The following ARMC1 variants were observed in gnomAD, a reference collection of about 807,000 sequenced individuals.
The protein encoded by ARMC1 is armadillo repeat containing 1.
Under a neutral mutation model 31.4 loss-of-function variants are expected in ARMC1, and 16 were observed. The ratio of observed to expected loss-of-function variants is 0.51; its 90% CI spans 0.34 to 0.77. The LOEUF (loss-of-function observed/expected upper bound fraction) is 0.77. Ranked by LOEUF, ARMC1 falls within the 30% of genes least tolerant of loss-of-function variation. The pLI, the probability that ARMC1 is intolerant of heterozygous loss-of-function variation, is 0.01. For synonymous variants in ARMC1, 114 were observed against 118.9 expected (o/e 0.96, Z 0.27); for missense variants, 259 against 347.5 (o/e 0.75, Z 2.02).
chr8:65,613,267 G>T lies in ARMC1; in HGVS notation c.442C>A (p.His148Asn), dbSNP rs759381421. ...TNKRAKTVVL[H>N]IDGLDDTSRR... Reference sequence around the variant, plus strand: ...ACCGTATCATCAAGGCCATCTATATGCAAAACCACTGTTTTGGCACGTTTG... The same window carrying T: ...ACCGTATCATCAAGGCCATCTATATTCAAAACCACTGTTTTGGCACGTTTG... The change falls in exon 4 of 7, where the codon CAT (histidine) becomes AAT (asparagine). Residue 148 changes from histidine to asparagine, a missense_variant. Physicochemically the swap from His to Asn is moderately conservative, Grantham distance 68. This residue lies in a region of ARMC1 where 163 missense variants were observed against 186.7 expected (regional missense o/e 0.87). Coordinates refer to ENST00000276569, the MANE Select transcript of ARMC1 (RefSeq NM_018120.6). The T allele has an allele frequency of 6.2e-7, 1 of 1,608,292 alleles. No individual in the cohort carries two copies. The highest frequency in any genetic ancestry group is 2.2e-5 in the East Asian group (1 of 44,610).
At chr8:65,611,402 T>C (rs1808137580) in intron 4 of ARMC1, among the ~76,000 whole-genome samples, 1 of 152,160 alleles carries the variant, frequency 6.6e-6, no homozygotes, top group African/African-American at 2.4e-5. Flanking sequence ...TTTTTCTCTA[T>C]TGTTTTTCAT....
intron 2 of ARMC1, among the ~76,000 whole-genome samples, chr8:65,625,026 C>G (rs1295055232): frequency 6.6e-6 from 1 of 152,178 alleles, no homozygotes. Context: ...AAGGCTGAGG[C>G]AGGAGAATCG....
rs781661934 is a variant in ARMC1 at position 65,627,397 on chromosome 8, ATCT to A, written c.-2_1del. On this transcript the variant is annotated start_lost and start_retained_variant and 5_prime_UTR_variant, in exon 2 of 7. Coordinates refer to ENST00000276569, the MANE Select transcript of ARMC1 (RefSeq NM_018120.6). ...ACTCATGGTGGAAGTGGAAGAATTC[ATCT>A]TCTATGCCATGCACATGAATAAAAT... The A allele has an allele frequency of 5.5e-5, 86 of 1,574,870 alleles. No homozygotes were observed. Among genetic ancestry groups the A allele is most frequent in the Non-Finnish European group, 7.0e-5 (81 of 1,159,350 alleles).
chr8:65,605,239 A>C (rs373344505), intron 6 of ARMC1, 24 bp downstream of exon 6: 5 of 1,588,394 alleles, frequency 3.1e-6, no homozygotes, highest in Non-Finnish European at 4.3e-6. Flanking sequence ...GTTGGATATA[A>C]AGAAAATTAA....
chr8:65,613,532 C>G, intron 3 of ARMC1, 99 bp from the exon 4 acceptor site: 1 of 756,366 alleles, frequency 1.3e-6, no homozygotes, highest in South Asian at 2.3e-5. Flanking sequence ...TACTCTAATG[C>G]CTTGTTCAAT....
rs916155477 is a variant in ARMC1, at chr8:65,622,243, A to T, written c.275+20T>A. 3.2e-6 allele frequency: 5 copies of T among 1,561,836 alleles called. No individual in the cohort carries two copies. The highest frequency in any genetic ancestry group is 4.4e-6 in the Non-Finnish European group (5 of 1,134,218). On this transcript the variant is annotated intron_variant, in intron 3 of 6. Coordinates refer to ENST00000276569, the MANE Select transcript of ARMC1 (RefSeq NM_018120.6). ...ATAAGTAAGTATATAAATAAATGAGACACTGTCTATTGTACTTACTTCTGT... is the reference window on the plus strand; with the variant it reads ...ATAAGTAAGTATATAAATAAATGAGTCACTGTCTATTGTACTTACTTCTGT...
At chr8:65,625,830 G>A (rs903063989) in intron 2 of ARMC1, among the ~76,000 whole-genome samples, 36 of 151,858 alleles carry the variant, frequency 2.4e-4, no homozygotes, top group African/African-American at 8.2e-4. Context: ...GAATCATCAC[G>A]AGTCCTTAAG....
chr8:65,628,557 G>C (rs925811340), intron 1 of ARMC1, among the ~76,000 whole-genome samples: 1 of 148,516 alleles, frequency 6.7e-6, no homozygotes, highest in African/African-American at 2.5e-5. Flanking sequence ...TCATACTTTC[G>C]TTTTAAAATC....
intron 1 of ARMC1, among the ~76,000 whole-genome samples, chr8:65,630,504 T>C (rs11985628): frequency 0.64 from 96,655 of 151,970 alleles, 30,962 homozygotes; most frequent in African/African-American, 0.69. Flanking sequence ...TTGGGATGAA[T>C]AAAAATCAAA....
Position 65,629,672 on chromosome 8 carries a change from G to A in ARMC1, c.-35-2239C>T, listed in dbSNP as rs963598818. Among the ~76,000 whole-genome samples, 37 of 151,822 alleles carry A rather than the reference G, an allele frequency of 2.4e-4. 1 individual carries two copies. The highest frequency in any genetic ancestry group is 6.8e-3 in the Middle Eastern group (2 of 292). ...AAATTAGCTGGGCGTGCTGGCGGGC[G>A]CCTGTAATCCCAGCTACTCGGGAGG... On this transcript the variant is annotated intron_variant, in intron 1 of 6. Transcript: ENST00000276569.
At chr8:65,627,465 G>A in intron 1 of ARMC1, 32 bp from the exon 2 acceptor site, 1 of 1,331,748 alleles carries the variant, frequency 7.5e-7, no homozygotes, top group East Asian at 2.4e-5. Context: ...TTAGTTCTAG[G>A]CTGCTGAGGT....
At chr8:65,628,843 A>C (rs370464555) in intron 1 of ARMC1, among the ~76,000 whole-genome samples, 1,013 of 94,114 alleles carry the variant, frequency 0.011, 15 homozygotes, top group African/African-American at 0.041. Flanking sequence ...TCTGTCTCAA[A>C]ACAAGCAAAC....
intron 4 of ARMC1, among the ~76,000 whole-genome samples, chr8:65,610,755 G>A (rs1164728954): frequency 1.3e-5 from 2 of 151,920 alleles, no homozygotes; most frequent in Non-Finnish European, 2.9e-5. Flanking sequence ...CTTCTATCTG[G>A]GCTTGAAGTT....
rs75206855 is a variant in ARMC1, at chr8:65,610,606, A to G, written c.465+2638T>C. Among the ~76,000 whole-genome samples, 1,439 of 152,000 alleles carry G rather than the reference A, an allele frequency of 9.5e-3. 8 individuals carry two copies. Among genetic ancestry groups the G allele is most frequent in the East Asian group, 0.041 (209 of 5,040 alleles). On this transcript the variant is annotated intron_variant, in intron 4 of 6. Coordinates refer to ENST00000276569, the MANE Select transcript of ARMC1 (RefSeq NM_018120.6). ...GCTACTTGGGAGGCTGAGGCAGGAGAAAGACTTGAACCCAGGAGGTGGAGG... is the reference window on the plus strand; with the variant it reads ...GCTACTTGGGAGGCTGAGGCAGGAGGAAGACTTGAACCCAGGAGGTGGAGG...
chr8:65,632,392 T>C (rs746818309), intron 1 of ARMC1, among the ~76,000 whole-genome samples: 8 of 151,990 alleles, frequency 5.3e-5, no homozygotes, highest in Non-Finnish European at 8.8e-5. Context: ...GGCGAGCGGA[T>C]TACGAGGTCA....
At chr8:65,621,751 C>A (rs1164840919) in intron 3 of ARMC1, among the ~76,000 whole-genome samples, 3 of 152,198 alleles carry the variant, frequency 2.0e-5, no homozygotes, top group Non-Finnish European at 4.4e-5. Flanking sequence ...ACAAGTGATC[C>A]GTCTGCCTTG....
chr8:65,615,763 T>C (rs1808237011), intron 3 of ARMC1, among the ~76,000 whole-genome samples: 1 of 151,694 alleles, frequency 6.6e-6, no homozygotes, highest in South Asian at 2.1e-4. Flanking sequence ...GGTGTGGTGG[T>C]GGGTGCCTGT....
chr8:65,621,680 T>C (rs112963826), intron 3 of ARMC1, among the ~76,000 whole-genome samples: 7,580 of 152,104 alleles, frequency 0.05, 521 homozygotes, highest in African/African-American at 0.15. Context: ...GGCTAATTTT[T>C]GTATTTTTAC....
rs398112545 is a variant in ARMC1, at chr8:65,602,840, T to TTC, written c.*1553_*1554insGA. 1 of 151,446 alleles carries TTC rather than the reference T, an allele frequency of 6.6e-6. No individual in the cohort carries two copies. The highest frequency in any genetic ancestry group is 1.5e-5 in the Non-Finnish European group (1 of 67,750). The allele number at this position is 151,446 out of a possible 1,614,324, so 9.4% of individuals were successfully genotyped here. On this transcript the variant is annotated 3_prime_UTR_variant, in exon 7 of 7. Transcript: ENST00000276569. Reference sequence around the variant, plus strand: ...TGTTGCTTTTTTTGTTTTTTTTTTTTCAGTTTGTGCGTGTCACTTGAATCA... The same window carrying TTC: ...TGTTGCTTTTTTTGTTTTTTTTTTTTTCCAGTTTGTGCGTGTCACTTGAATCA...
Sources: gnomAD v4.1 joint callset for allele counts (sites outside exome capture counted in the v4.1 genomes callset) on GRCh38, gnomAD v4.1.1 for gene constraint, gnomAD v4.1.1 regional missense constraint, MANE v1.5 for transcripts, NCBI Gene and HGNC (gene_info 2026-07-23, HGNC 2026-07-21) for gene names.